BPIFB2: variants seen among roughly 807,000 people sequenced by gnomAD.
BPIFB2 encodes the protein BPI fold containing family B member 2.
In BPIFB2, 39 loss-of-function variants were observed where a neutral mutation model predicts 50.1. The observed-to-expected ratio is 0.78, with a 90% confidence interval of 0.60 to 1.02. The LOEUF is 1.02. BPIFB2 is among the 50% of genes least tolerant of loss of function. The pLI is 0.00. For missense variants in BPIFB2, 574 were observed against 585.8 expected (o/e 0.98, Z 0.21); for synonymous variants, 280 against 256.3 (o/e 1.09, Z -0.88).
chr20:33,020,678 C>G (rs1433165832), intron 13 of BPIFB2, 91 bp downstream of exon 13: 16 of 1,413,024 alleles, frequency 1.1e-5, no homozygotes, highest in Non-Finnish European at 1.5e-5. Flanking sequence ...CATGTGCTGA[C>G]CCGTGTGCCT....
At chr20:33,012,015 AC>A (rs1990296056) in intron 3 of BPIFB2, among the ~76,000 whole-genome samples, 1 of 152,116 alleles carries the variant, frequency 6.6e-6, no homozygotes, top group South Asian at 2.1e-4. Context: ...AAACAAACAA[AC>A]AAAAAATATT....
intron 13 of BPIFB2, 106 bp downstream of exon 13, chr20:33,020,693 G>A: frequency 7.5e-7 from 1 of 1,325,616 alleles, no homozygotes; most frequent in Non-Finnish European, 1.0e-6. Context: ...GTGCCTGTGT[G>A]TGCCACTATA....
chr20:33,013,969 T>A lies in BPIFB2; in HGVS notation c.455+13T>A, dbSNP rs1005873459. On this transcript the variant is annotated intron_variant, in intron 5 of 15. Transcript: ENST00000170150. ...ATGGCAGTAACAGGTGGGTGCCTGG[T>A]GAGGGCAGGGTCACAGGAATCCCAG... 6.2e-7 allele frequency: 1 copy of A among 1,611,544 alleles called. No individual in the cohort carries two copies. The highest frequency in any genetic ancestry group is 8.5e-7 in the Non-Finnish European group (1 of 1,178,196).
Position 33,020,408 on chromosome 20 carries a change from A to T in BPIFB2, c.1148+13A>T, listed in dbSNP as rs976083635. On this transcript the variant is annotated intron_variant, in intron 12 of 15. Transcript: ENST00000170150. ...CGTCTGTGCTGGGGTAAACGAGCCC[A>T]CCTGGACCCAGCAGCCTCAGTGTGT... is the stretch of plus-strand genomic sequence containing the variant. 1.9e-6 allele frequency: 3 copies of T among 1,613,606 alleles called. No individual in the cohort carries two copies. Among genetic ancestry groups the T allele is most frequent in the Non-Finnish European group, 2.5e-6 (3 of 1,179,670 alleles).
rs1173696741 is a variant in BPIFB2 at position 33,017,037 on chromosome 20, C to T, written c.517-5C>T. ...CCCAGCCTCCTTCTCTCTGTCTTAC[C>T]ACAGCTGTGCCTGAGCATCTCCAAC... is the stretch of plus-strand genomic sequence containing the variant. On this transcript the variant is annotated splice_polypyrimidine_tract_variant and splice_region_variant and intron_variant, in intron 6 of 15. Transcript: ENST00000170150. The T allele has an allele frequency of 2.5e-6, 4 of 1,613,968 alleles. No individual in the cohort carries two copies. The highest frequency in any genetic ancestry group is 3.4e-6 in the Non-Finnish European group (4 of 1,179,862).
At position 33,008,621 on chromosome 20, in the gene BPIFB2, C is replaced by T. The variant is rs1175816476; in HGVS notation, c.47C>T (p.Pro16Leu). ...RLGLLLALLL[P>L]VVGASTPGTV... Reference sequence around the variant, plus strand: ...GGCCTGCTGCTGGCACTGCTGCTGCCCGTGGTCGGTGCCTCCACGCCAGGC... The same window carrying T: ...GGCCTGCTGCTGGCACTGCTGCTGCTCGTGGTCGGTGCCTCCACGCCAGGC... The change falls in exon 2 of 16, where the codon CCC (proline) becomes CTC (leucine). Residue 16 changes from proline to leucine, a missense_variant. Physicochemically the swap from Pro to Leu is moderately conservative, Grantham distance 98. Transcript: ENST00000170150. 1.2e-6 allele frequency: 2 copies of T among 1,606,722 alleles called. No individual in the cohort carries two copies. The highest frequency in any genetic ancestry group is 1.7e-6 in the Non-Finnish European group (2 of 1,176,934).
chr20:33,018,392 C>T (rs1978512903), intron 8 of BPIFB2, 42 bp downstream of exon 8: 1 of 1,523,460 alleles, frequency 6.6e-7, no homozygotes, highest in African/African-American at 1.4e-5. Flanking sequence ...GGCTTGCTGC[C>T]TCTGGAGTCC....
chr20:33,011,234 C>A, intron 3 of BPIFB2, 117 bp downstream of exon 3: 1 of 942,744 alleles, frequency 1.1e-6, no homozygotes, highest in Non-Finnish European at 1.6e-6. Flanking sequence ...GCAGATGCTC[C>A]TATCCACGGG....
chr20:33,023,377 G>A lies in BPIFB2; in HGVS notation c.1371G>A (p.Gln457=), dbSNP rs1978752193. The part of the protein sequence containing the change: ...YVVISSGLFY[Q]S The stretch of plus-strand genomic sequence containing the variant: ...TGATATCCAGTGGACTCTTCTACCA[G>A]AGCTGAGGCAAGACCACTGGGAGGC... Residue 457 remains glutamine (Q), a synonymous_variant, in exon 16 of 16, where the codon CAG becomes CAA. Coordinates refer to ENST00000170150, the MANE Select transcript of BPIFB2 (RefSeq NM_025227.3). 6.2e-7 allele frequency: 1 copy of A among 1,613,904 alleles called. No homozygotes were observed. The highest frequency in any genetic ancestry group is 1.3e-5 in the African/African-American group (1 of 74,910).
Position 33,018,807 on chromosome 20 carries a change from C to T in BPIFB2, c.840C>T (p.Asp280=), listed in dbSNP as rs1978537608. 1.2e-6 allele frequency: 2 copies of T among 1,611,748 alleles called. No individual in the cohort carries two copies. Among genetic ancestry groups the T allele is most frequent in the African/African-American group, 1.3e-5 (1 of 74,930 alleles). The change falls in exon 9 of 16, where the codon GAC becomes GAT. Residue 280 remains aspartate, a synonymous_variant. Coordinates refer to ENST00000170150, the MANE Select transcript of BPIFB2 (RefSeq NM_025227.3). The part of the protein sequence containing the change: ...LLQKAGALNL[D]ITGQLRSDDN... ...AGAAGGCCGGTGCCCTCAACCTGGA[C>T]ATCACAGGGCAGCTGGTGAGGGCCC...
intron 4 of BPIFB2, 89 bp downstream of exon 4, chr20:33,012,996 A>AG (rs1362865323): frequency 1.9e-6 from 2 of 1,075,024 alleles, no homozygotes; most frequent in Non-Finnish European, 2.8e-6. Flanking sequence ...CAACTCCTCC[A>AG]GGGCCCTCAT....
chr20:33,008,652 G>A lies in BPIFB2; in HGVS notation c.78G>A (p.Val26=), dbSNP rs1600509529. The A allele has an allele frequency of 7.5e-6, 12 of 1,607,294 alleles. No individual in the cohort carries two copies. The highest frequency in any genetic ancestry group is 4.5e-5 in the East Asian group (2 of 44,490). Residue 26 remains valine, a synonymous_variant, in exon 2 of 16, where the codon GTG becomes GTA. Coordinates refer to ENST00000170150, the MANE Select transcript of BPIFB2 (RefSeq NM_025227.3). ...PVVGASTPGT[V]VRLNKAALSY... ...TCGGTGCCTCCACGCCAGGCACCGT[G>A]GTCCGACTCAACAAGGCAGCATTGA...
Position 33,019,120 on chromosome 20 carries a change from G to T in BPIFB2, c.909+5G>T. On this transcript the variant is annotated splice_donor_5th_base_variant and intron_variant, in intron 10 of 15. Coordinates refer to ENST00000170150, the MANE Select transcript of BPIFB2 (RefSeq NM_025227.3). ...CTGGGCCGGCTCATCCCGGAGGTCGGTGATGTTTCTGATCATTCCAGGGAC... is the reference window on the plus strand; with the variant it reads ...CTGGGCCGGCTCATCCCGGAGGTCGTTGATGTTTCTGATCATTCCAGGGAC... 1 of 1,614,146 alleles carries T rather than the reference G, an allele frequency of 6.2e-7. No homozygotes were observed. Among genetic ancestry groups the T allele is most frequent in the Non-Finnish European group, 8.5e-7 (1 of 1,180,020 alleles).
intron 2 of BPIFB2, among the ~76,000 whole-genome samples, chr20:33,010,006 C>T (rs1990264021): frequency 6.6e-6 from 1 of 152,204 alleles, no homozygotes; most frequent in Non-Finnish European, 1.5e-5. Context: ...TGCTGGGAAA[C>T]ATGGAAACCA....
chr20:33,015,568 G>A, intron 6 of BPIFB2, 72 bp downstream of exon 6: 1 of 1,350,914 alleles, frequency 7.4e-7, no homozygotes. Flanking sequence ...GAAAGAGTGG[G>A]ATTTCAGGCA....
intron 5 of BPIFB2, among the ~76,000 whole-genome samples, chr20:33,014,319 TG>T (rs1161087707): frequency 1.3e-5 from 2 of 152,340 alleles, no homozygotes; most frequent in East Asian, 3.9e-4. Flanking sequence ...AGGGAGGGCC[TG>T]GGACCCACCA....
intron 11 of BPIFB2, 141 bp downstream of exon 11, chr20:33,019,891 A>T: frequency 8.6e-7 from 1 of 1,158,070 alleles, no homozygotes; most frequent in Non-Finnish European, 1.2e-6. Flanking sequence ...CCGCCCCAGG[A>T]CCTTTGCATG....
rs1003739093 is a variant in BPIFB2 at position 33,009,826 on chromosome 20, G to A, written c.109+1143G>A. On this transcript the variant is annotated intron_variant, in intron 2 of 15. Coordinates refer to ENST00000170150, the MANE Select transcript of BPIFB2 (RefSeq NM_025227.3). The surrounding 1 kb of genome is among the most constrained non-coding windows in gnomAD (Gnocchi z 4.2). ...GGCAGAAATCTGGCTGGAGGCCCAC[G>A]CTGGACGCATTGCTCCCCAGGCTGG... Among the ~76,000 whole-genome samples, 1 of 152,220 alleles carries A rather than the reference G, an allele frequency of 6.6e-6. No homozygotes were observed. The highest frequency in any genetic ancestry group is 1.5e-5 in the Non-Finnish European group (1 of 68,028).
intron 4 of BPIFB2, 113 bp downstream of exon 4, chr20:33,013,020 C>T: frequency 1.2e-6 from 1 of 811,284 alleles, no homozygotes; most frequent in Non-Finnish European, 2.0e-6. Context: ...GGCCTCTTGA[C>T]TCTCTGTCCA....
Sources: allele counts gnomAD v4.1 joint callset (sites outside exome capture counted in the v4.1 genomes callset), GRCh38; gene constraint gnomAD v4.1.1; non-coding constraint Gnocchi (gnomAD v3.1); transcripts MANE v1.5; gene names NCBI Gene and HGNC (gene_info 2026-07-23, HGNC 2026-07-21).